ADIPOR2: variants seen among roughly 807,000 people sequenced by gnomAD.
ADIPOR2 encodes the protein adiponectin receptor protein 2.
Under a neutral mutation model 40.9 loss-of-function variants are expected in ADIPOR2, and 18 were observed. That is an observed-to-expected ratio of 0.44 (90% CI 0.30 to 0.65). The LOEUF is 0.65. ADIPOR2 is among the 30% of genes least tolerant of loss of function. The pLI, the probability that ADIPOR2 is intolerant of heterozygous loss-of-function variation, is 0.09. For synonymous variants in ADIPOR2, 165 were observed against 166.4 expected (o/e 0.99, Z 0.06); for missense variants, 283 against 479.2 (o/e 0.59, Z 3.82).
chr12:1,708,806 G>T (rs570358284), intron 1 of ADIPOR2, among the ~76,000 whole-genome samples: 19 of 151,386 alleles, frequency 1.3e-4, no homozygotes, highest in Non-Finnish European at 2.7e-4. Context: ...TGCAACATCC[G>T]CCTCCCAGGT....
rs899881691 is a variant in ADIPOR2, at chr12:1,785,395, C to G, written c.1033-549C>G. Among the ~76,000 whole-genome samples, 3 of 152,186 alleles carry G rather than the reference C, an allele frequency of 2.0e-5. No homozygotes were observed. In the East Asian group the frequency reaches 5.8e-4, roughly 29 times the overall value. The stretch of plus-strand genomic sequence containing the variant: ...TTCATGAAATTTGAGAATCGTAGCA[C>G]TGAAGGAAACTCTGGGGACCATATG... On this transcript the variant is annotated intron_variant, in intron 7 of 7. Transcript: ENST00000357103.
chr12:1,698,206 TTGTGTGTGTGTGTG>T (rs35927419), intron 1 of ADIPOR2, among the ~76,000 whole-genome samples: 8 of 148,212 alleles, frequency 5.4e-5, no homozygotes, highest in African/African-American at 9.9e-5. Context: ...TCTTGGCTGA[TTGTGTGTGTGTGTG>T]TGTGTGTGTG....
At chr12:1,768,014 A>AT (rs1244328287) in intron 2 of ADIPOR2, among the ~76,000 whole-genome samples, 1 of 152,216 alleles carries the variant, frequency 6.6e-6, no homozygotes, top group African/African-American at 2.4e-5. Context: ...CCGAGAACAA[A>AT]TAATAAAGTT....
At chr12:1,754,799 CT>C (rs1862087142) in intron 2 of ADIPOR2, among the ~76,000 whole-genome samples, 1 of 151,848 alleles carries the variant, frequency 6.6e-6, no homozygotes, top group South Asian at 2.1e-4. Flanking sequence ...GTAGCATGAT[CT>C]CGGCTCGCTG....
intron 6 of ADIPOR2, among the ~76,000 whole-genome samples, chr12:1,782,994 T>C (rs1358285165): frequency 2.2e-5 from 2 of 90,678 alleles, no homozygotes; most frequent in Admixed American, 1.4e-4. Flanking sequence ...TTTTTTTTTT[T>C]TTTTTTTTGA....
intron 2 of ADIPOR2, among the ~76,000 whole-genome samples, chr12:1,758,790 G>A (rs371293042): frequency 6.6e-6 from 1 of 152,150 alleles, no homozygotes; most frequent in South Asian, 2.1e-4. Flanking sequence ...CTGAACTGTA[G>A]ACTGCAACCT....
intron 3 of ADIPOR2, among the ~76,000 whole-genome samples, chr12:1,776,786 C>T (rs1044765305): frequency 2.6e-5 from 4 of 152,158 alleles, no homozygotes; most frequent in African/African-American, 9.7e-5. Flanking sequence ...ATGGATTAGT[C>T]ACTAACTGTC....
At chr12:1,716,240 A>T (rs925669432) in intron 1 of ADIPOR2, among the ~76,000 whole-genome samples, 2 of 152,250 alleles carry the variant, frequency 1.3e-5, no homozygotes, top group Non-Finnish European at 2.9e-5. Context: ...AGAGCAGTGT[A>T]ATTCTGATGA....
intron 1 of ADIPOR2, among the ~76,000 whole-genome samples, chr12:1,751,690 A>AT (rs568094701): frequency 4.9e-4 from 73 of 147,938 alleles, no homozygotes; most frequent in African/African-American, 1.1e-3. Context: ...AATTAAAAAA[A>AT]TTTTTTTTTT....
chr12:1,744,399 CA>C (rs1433335017), intron 1 of ADIPOR2, among the ~76,000 whole-genome samples: 6 of 144,310 alleles, frequency 4.2e-5, no homozygotes, highest in Non-Finnish European at 7.6e-5. Context: ...CCACCACGTC[CA>C]GCTTTTTTTG....
chr12:1,778,942 GA>G (rs71055198), intron 4 of ADIPOR2, among the ~76,000 whole-genome samples: 40,695 of 152,100 alleles, frequency 0.27, 6,143 homozygotes, highest in Admixed American at 0.45. Context: ...AGGCATTTAG[GA>G]AAACGCAAAT....
At chr12:1,757,751 C>T (rs1862170699) in intron 2 of ADIPOR2, 1 of 1,197,176 alleles carries the variant, frequency 8.4e-7, no homozygotes, top group Non-Finnish European at 1.2e-6. Context: ...ATGCTGATGA[C>T]ATCCATGAAT....
intron 2 of ADIPOR2, among the ~76,000 whole-genome samples, chr12:1,761,795 C>T (rs776607719): frequency 8.5e-5 from 13 of 152,218 alleles, no homozygotes; most frequent in Non-Finnish European, 1.9e-4. Flanking sequence ...ATCTGGAATA[C>T]ACCTGACAGG....
chr12:1,701,018 A>G lies in ADIPOR2; in HGVS notation c.-87+9827A>G, dbSNP rs548532082. On this transcript the variant is annotated intron_variant, in intron 1 of 7. Transcript: ENST00000357103. The stretch of plus-strand genomic sequence containing the variant: ...GTAGCATATCTTAGCATGTTCCCAT[A>G]TTTCTCATTTTTTTGAGGAAAAAAA... Among the ~76,000 whole-genome samples the G allele has an allele frequency of 1.5e-3, 232 of 151,366 alleles. 2 individuals are homozygous for G. The highest frequency in any genetic ancestry group is 2.8e-3 in the Non-Finnish European group (188 of 67,922).
chr12:1,704,076 TTG>T (rs1491169731), intron 1 of ADIPOR2, among the ~76,000 whole-genome samples: 2 of 149,892 alleles, frequency 1.3e-5, no homozygotes, highest in African/African-American at 4.9e-5. Context: ...TTTTTTTTTT[TTG>T]GTGTGTGATG....
intron 1 of ADIPOR2, among the ~76,000 whole-genome samples, chr12:1,718,898 G>A (rs899661504): frequency 1.3e-5 from 2 of 151,970 alleles, no homozygotes; most frequent in Admixed American, 1.3e-4. Context: ...TAATGCTGGG[G>A]GAAAAAAGAA....
intron 2 of ADIPOR2, among the ~76,000 whole-genome samples, chr12:1,766,106 T>C (rs925895579): frequency 2.0e-5 from 3 of 152,198 alleles, no homozygotes; most frequent in African/African-American, 7.2e-5. Flanking sequence ...GACAGGTAAA[T>C]CAGTACATTT....
chr12:1,764,920 A>T (rs1862346263), intron 2 of ADIPOR2, among the ~76,000 whole-genome samples: 1 of 152,102 alleles, frequency 6.6e-6, no homozygotes. Flanking sequence ...TACTGTACCA[A>T]TTTTTATTTT....
rs1389186086 is a variant in ADIPOR2 at position 1,786,418 on chromosome 12, G to A, written c.*346G>A. ...AGAAGATGGCGAAACAGTTTAGCTGGTGGTTCTTTCTTCTCCCTTTCTCTC... is the reference window on the plus strand; with the variant it reads ...AGAAGATGGCGAAACAGTTTAGCTGATGGTTCTTTCTTCTCCCTTTCTCTC... On this transcript the variant is annotated 3_prime_UTR_variant, in exon 8 of 8. Coordinates refer to ENST00000357103, the MANE Select transcript of ADIPOR2 (RefSeq NM_024551.3). 4 of 212,318 alleles carry A rather than the reference G, an allele frequency of 1.9e-5. No homozygotes were observed. The East Asian group carries it at 3.2e-4, about 17-fold the overall frequency. 13.2% of individuals were successfully genotyped at this position (212,318 alleles called of 1,614,324 possible).
Sources: gnomAD v4.1 joint callset for allele counts (sites outside exome capture counted in the v4.1 genomes callset) on GRCh38, gnomAD v4.1.1 for gene constraint, MANE v1.5 for transcripts, NCBI Gene and HGNC (gene_info 2026-07-23, HGNC 2026-07-21) for gene names.